Variants in GALNT17 observed in about 807,000 individuals in gnomAD.
GALNT17 encodes the protein polypeptide N-acetylgalactosaminyltransferase 17.
In GALNT17, 29 loss-of-function variants were observed where a neutral mutation model predicts 63.7. The ratio of observed to expected loss-of-function variants is 0.46; its 90% CI spans 0.34 to 0.62. GALNT17 has a LOEUF of 0.62. GALNT17 is among the 20% of genes least tolerant of loss of function. GALNT17 has a pLI of 0.01. For missense variants in GALNT17, 603 were observed against 799.6 expected (o/e 0.75, Z 2.97); for synonymous variants, 305 against 318.3 (o/e 0.96, Z 0.45).
chr7:71,707,628 C>A (rs1791739628), intron 9 of GALNT17, among the ~76,000 whole-genome samples: 2 of 152,208 alleles, frequency 1.3e-5, no homozygotes, highest in Admixed American at 1.3e-4. Flanking sequence ...AGGCTGGACT[C>A]ATTCGTGCAT....
intron 1 of GALNT17, among the ~76,000 whole-genome samples, chr7:71,166,521 C>G (rs1274745502): frequency 6.6e-6 from 1 of 152,208 alleles, no homozygotes; most frequent in African/African-American, 2.4e-5. Context: ...TGCCATCCCT[C>G]TTTACTGAGG....
At chr7:71,592,563 C>CATACTAAAATAAAATAAAATAAAA (rs373112898) in intron 6 of GALNT17, among the ~76,000 whole-genome samples, 1 of 69,954 alleles carries the variant, frequency 1.4e-5, no homozygotes, top group Non-Finnish European at 3.1e-5. Flanking sequence ...GCATAGCATA[C>CATACTAAAATAAAATAAAATAAAA]TAAAATAAAA....
At chr7:71,482,051 G>C (rs1213282719) in intron 5 of GALNT17, among the ~76,000 whole-genome samples, 2 of 143,654 alleles carry the variant, frequency 1.4e-5, no homozygotes, top group Admixed American at 1.4e-4. Context: ...ATATATATGT[G>C]CATTGATGTA....
intron 1 of GALNT17, among the ~76,000 whole-genome samples, chr7:71,145,942 G>C (rs1788014646): frequency 6.6e-6 from 1 of 152,092 alleles, no homozygotes; most frequent in Non-Finnish European, 1.5e-5. Flanking sequence ...CTGACCTCAA[G>C]TGCTCCGTCA....
chr7:71,246,131 T>G (rs1244623086), intron 1 of GALNT17, among the ~76,000 whole-genome samples: 1 of 141,864 alleles, frequency 7.0e-6, no homozygotes, highest in African/African-American at 2.7e-5. Flanking sequence ...TTTTTTTTTT[T>G]TTTTTTTTGA....
chr7:71,146,444 G>T (rs1228361561), intron 1 of GALNT17, among the ~76,000 whole-genome samples: 2 of 152,134 alleles, frequency 1.3e-5, no homozygotes, highest in African/African-American at 4.8e-5. Flanking sequence ...ACTCTCCATG[G>T]GTGGCTTTTG....
At chr7:71,652,074 C>CAAAAG (rs781203626) in intron 6 of GALNT17, among the ~76,000 whole-genome samples, 1 of 151,980 alleles carries the variant, frequency 6.6e-6, no homozygotes, top group African/African-American at 2.4e-5. Flanking sequence ...CAACAAAAAT[C>CAAAAG]AAAAGAAAAG....
intron 1 of GALNT17, among the ~76,000 whole-genome samples, chr7:71,276,291 C>T (rs1027927730): frequency 3.3e-5 from 5 of 152,056 alleles, no homozygotes; most frequent in African/African-American, 7.2e-5. Flanking sequence ...AACTGCCATT[C>T]GATCCAGTAA....
At chr7:71,247,758 A>G (rs1047597908) in intron 1 of GALNT17, among the ~76,000 whole-genome samples, 1 of 152,184 alleles carries the variant, frequency 6.6e-6, no homozygotes, top group South Asian at 2.1e-4. Flanking sequence ...CACCTGGCCA[A>G]AGAGTCTACT....
chr7:71,428,973 C>T (rs1329741995), intron 5 of GALNT17, among the ~76,000 whole-genome samples: 7 of 152,216 alleles, frequency 4.6e-5, no homozygotes, highest in African/African-American at 1.2e-4. Flanking sequence ...GTAGGACTCT[C>T]GTCCCTCCCT....
chr7:71,164,182 C>G (rs977037022), intron 1 of GALNT17, among the ~76,000 whole-genome samples: 1 of 152,152 alleles, frequency 6.6e-6, no homozygotes, highest in African/African-American at 2.4e-5. Flanking sequence ...TCAATTTTCA[C>G]ACTGCTATAA....
At chr7:71,270,761 G>GC (rs1385164418) in intron 1 of GALNT17, among the ~76,000 whole-genome samples, 5 of 151,764 alleles carry the variant, frequency 3.3e-5, no homozygotes, top group Non-Finnish European at 7.4e-5. Context: ...AAGAGTAATT[G>GC]CCATTTGATA....
At chr7:71,407,802 T>G (rs1490943484) in intron 3 of GALNT17, among the ~76,000 whole-genome samples, 1 of 152,078 alleles carries the variant, frequency 6.6e-6, no homozygotes, top group Non-Finnish European at 1.5e-5. Context: ...ACCGTCAAAA[T>G]TAACAGACAT....
At chr7:71,624,393 G>T (rs981873240) in intron 6 of GALNT17, among the ~76,000 whole-genome samples, 2 of 152,254 alleles carry the variant, frequency 1.3e-5, no homozygotes, top group South Asian at 4.1e-4. Flanking sequence ...CTGTGAGGCC[G>T]GTGCGTTCAT....
intron 1 of GALNT17, among the ~76,000 whole-genome samples, chr7:71,310,167 G>T (rs960968498): frequency 1.3e-5 from 2 of 152,100 alleles, no homozygotes; most frequent in Non-Finnish European, 2.9e-5. Flanking sequence ...TTTGTAAATT[G>T]CCCAGTCTCA....
intron 6 of GALNT17, among the ~76,000 whole-genome samples, chr7:71,622,931 TGA>T (rs1790317743): frequency 1.3e-5 from 2 of 152,216 alleles, no homozygotes; most frequent in Non-Finnish European, 2.9e-5. Context: ...CTTTCCTCAC[TGA>T]CCCTGCCTTT....
chr7:71,682,982 C>G (rs1164564928), intron 9 of GALNT17, among the ~76,000 whole-genome samples: 1 of 152,106 alleles, frequency 6.6e-6, no homozygotes, highest in Admixed American at 6.6e-5. Flanking sequence ...TAGTGGCACT[C>G]CCAGCACAGT....
chr7:71,603,305 CACCAGGTACTATGCTAGTGCATAT>C (rs1350244370), intron 6 of GALNT17, among the ~76,000 whole-genome samples: 3 of 151,236 alleles, frequency 2.0e-5, no homozygotes, highest in Non-Finnish European at 4.4e-5. Flanking sequence ...TAAGTGCATA[CACCAGGTACTATGCTAGTGCATAT>C]ACCAGGTACT....
Position 71,415,994 on chromosome 7 carries a change from A to C in GALNT17, c.695A>C (p.Glu232Ala). The C allele has an allele frequency of 6.2e-7, 1 of 1,613,742 alleles. No individual in the cohort carries two copies. The highest frequency in any genetic ancestry group is 1.1e-5 in the South Asian group (1 of 90,970). ...KREGLIRARI[E>A]GWKVATGQVT... ...GAAGGCCTGATCCGCGCTCGCATTG[A>C]GGGCTGGAAGGTGGCTACCGGGCAG... The change falls in exon 4 of 11, where the codon GAG (glutamate) becomes GCG (alanine). Residue 232 changes from glutamate (E) to alanine (A), a missense_variant. By Grantham distance (107) the Glu-to-Ala change is moderately radical. Coordinates refer to ENST00000333538, the MANE Select transcript of GALNT17 (RefSeq NM_022479.3).
Sources: gnomAD v4.1 joint callset for allele counts (sites outside exome capture counted in the v4.1 genomes callset) on GRCh38, gnomAD v4.1.1 for gene constraint, MANE v1.5 for transcripts, NCBI Gene and HGNC (gene_info 2026-07-23, HGNC 2026-07-21) for gene names.